The following PDS5A variants were observed in gnomAD, a reference collection of about 807,000 sequenced individuals.
PDS5A encodes the protein PDS5 cohesin associated factor A, also known as sister chromatid cohesion protein PDS5 homolog A.
Under a neutral mutation model 167.1 loss-of-function variants are expected in PDS5A, and 42 were observed. That is an observed-to-expected ratio of 0.25 (90% confidence interval 0.20 to 0.33). PDS5A has a LOEUF of 0.33. Among genes scored for constraint, PDS5A ranks in the 10% least tolerant of loss-of-function variants. PDS5A has a pLI of 1.00. For missense variants in PDS5A, 1,033 were observed against 1,605.9 expected (o/e 0.64, Z 6.10); for synonymous variants, 553 against 554.6 (o/e 1.00, Z 0.04).
intron 32 of PDS5A, among the ~76,000 whole-genome samples, chr4:39,825,706 G>A (rs958856931): frequency 1.3e-5 from 2 of 151,832 alleles, no homozygotes; most frequent in African/African-American, 4.8e-5. Flanking sequence ...TCCAGGCTCA[G>A]CGTCCAGCCT....
Position 39,873,101 on chromosome 4 carries a change from A to T in PDS5A, c.2321T>A (p.Ile774Lys), listed in dbSNP as rs904452984. ...GTGGCCCAATGAAACTAATGGAGTT[A>T]TAAGTTGTTCTGGCACATCAGCATT... ...SLNADVPEQLITPLVSLGHIS... is the reference protein window; with the variant it reads ...SLNADVPEQLKTPLVSLGHIS... The change falls in exon 21 of 33, where the codon ATA becomes AAA. Residue 774 changes from isoleucine (I) to lysine (K), a missense_variant. This residue lies in a region of PDS5A where 367 missense variants were observed against 686.7 expected (regional missense o/e 0.53). Coordinates refer to ENST00000303538, the MANE Select transcript of PDS5A (RefSeq NM_001100399.2). 3.9e-6 allele frequency: 6 copies of T among 1,531,210 alleles called. No homozygotes were observed. Among genetic ancestry groups the T allele is most frequent in the Non-Finnish European group, 4.4e-6 (5 of 1,124,092 alleles). 94.9% of individuals were successfully genotyped at this position (1,531,210 alleles called of 1,614,324 possible). A position where few individuals can be genotyped will look rare whatever the true frequency, so the allele number is the denominator to read the frequency against.
At position 39,913,601 on chromosome 4, in the gene PDS5A, G is replaced by A. The variant is rs1165163375; in HGVS notation, c.992+10C>T. On this transcript the variant is annotated intron_variant, in intron 9 of 32. Transcript: ENST00000303538. ...TAAAATATAAACATCAGAATTATAT[G>A]TTCTCTTACCGTCCAAGAAAACATT... 3 of 1,430,100 alleles carry A rather than the reference G, an allele frequency of 2.1e-6. No individual in the cohort carries two copies. Among genetic ancestry groups the A allele is most frequent in the Non-Finnish European group, 3.0e-6 (3 of 1,012,210 alleles). The allele number at this position is 1,430,100 out of a possible 1,614,324, so 88.6% of individuals were successfully genotyped here.
At chr4:39,954,058 A>C (rs1728665014) in intron 2 of PDS5A, among the ~76,000 whole-genome samples, 1 of 152,094 alleles carries the variant, frequency 6.6e-6, no homozygotes, top group Non-Finnish European at 1.5e-5. Flanking sequence ...CAATGGGATG[A>C]GGCAGGGCAT....
chr4:39,958,078 G>T (rs1295549261), intron 2 of PDS5A, among the ~76,000 whole-genome samples: 1 of 152,084 alleles, frequency 6.6e-6, no homozygotes, highest in East Asian at 1.9e-4. Flanking sequence ...TTTTAGTAGA[G>T]ACAGGGTTTC....
intron 4 of PDS5A, 151 bp downstream of exon 4, chr4:39,926,624 A>C: frequency 4.0e-6 from 2 of 503,592 alleles, no homozygotes; most frequent in Non-Finnish European, 6.2e-6. Context: ...AGGAAGAAAA[A>C]TAAAATAATA....
intron 2 of PDS5A, among the ~76,000 whole-genome samples, chr4:39,969,235 T>C (rs1212006080): frequency 6.6e-6 from 1 of 152,214 alleles, no homozygotes; most frequent in Non-Finnish European, 1.5e-5. Flanking sequence ...GTGACTAGCG[T>C]TGTTCACAAC....
chr4:39,936,022 T>C (rs577926737), intron 2 of PDS5A, among the ~76,000 whole-genome samples: 1 of 152,250 alleles, frequency 6.6e-6, no homozygotes, highest in South Asian at 2.1e-4. Flanking sequence ...AAAAGACTTC[T>C]AATTCGCGAT....
intron 5 of PDS5A, among the ~76,000 whole-genome samples, chr4:39,923,777 A>G (rs1725230739): frequency 6.6e-6 from 1 of 152,162 alleles, no homozygotes; most frequent in Middle Eastern, 3.2e-3. Context: ...ATAAAGGCAG[A>G]CATTTTTTTC....
At chr4:39,933,381 AG>A (rs1247891284) in intron 2 of PDS5A, 1 of 152,202 alleles carries the variant, frequency 6.6e-6, no homozygotes, top group African/African-American at 2.4e-5. Flanking sequence ...GGCTGCAGTG[AG>A]CTATGATCAT....
At chr4:39,903,189 T>C (rs1466785381) in intron 12 of PDS5A, among the ~76,000 whole-genome samples, 1 of 152,266 alleles carries the variant, frequency 6.6e-6, no homozygotes, top group African/African-American at 2.4e-5. Context: ...CCATTTTCCA[T>C]GTTGTCACAT....
At chr4:39,851,281 A>G (rs571908856) in intron 26 of PDS5A, among the ~76,000 whole-genome samples, 2 of 152,082 alleles carry the variant, frequency 1.3e-5, no homozygotes, top group African/African-American at 4.8e-5. Context: ...TCACCATTAT[A>G]TATAGAACCT....
intron 16 of PDS5A, among the ~76,000 whole-genome samples, chr4:39,895,658 A>G (rs75724035): frequency 0.13 from 19,162 of 152,144 alleles, 1,375 homozygotes; most frequent in African/African-American, 0.21. Context: ...TTCTTCAATG[A>G]TAAATTATCC....
At chr4:39,854,906 T>C (rs1197263293) in intron 26 of PDS5A, among the ~76,000 whole-genome samples, 1 of 152,212 alleles carries the variant, frequency 6.6e-6, no homozygotes, top group Non-Finnish European at 1.5e-5. Flanking sequence ...TTACGAATAA[T>C]TGTTTTCTTC....
chr4:39,825,238 T>C lies in PDS5A; in HGVS notation c.*247A>G. 1 of 391,076 alleles carries C rather than the reference T, an allele frequency of 2.6e-6. No individual in the cohort carries two copies. The highest frequency in any genetic ancestry group is 4.5e-6 in the Non-Finnish European group (1 of 219,786). The allele number at this position is 391,076 out of a possible 1,614,324, so 24.2% of individuals were successfully genotyped here. ...AATTATTGACTTTTCGTAAGAAAAGTCTAGGGGAAGGGGGAGAACAGAGTT... is the reference window on the plus strand; with the variant it reads ...AATTATTGACTTTTCGTAAGAAAAGCCTAGGGGAAGGGGGAGAACAGAGTT... On this transcript the variant is annotated 3_prime_UTR_variant, in exon 33 of 33. Transcript: ENST00000303538.
chr4:39,825,569 G>C (rs1715219546), intron 32 of PDS5A, 81 bp from the exon 33 acceptor site: 1 of 949,204 alleles, frequency 1.1e-6, no homozygotes, highest in South Asian at 1.8e-5. Flanking sequence ...CATTTCCATA[G>C]TTGTTATCTA....
At chr4:39,923,474 A>G (rs547481503) in intron 5 of PDS5A, among the ~76,000 whole-genome samples, 4 of 151,922 alleles carry the variant, frequency 2.6e-5, no homozygotes, top group African/African-American at 9.7e-5. Flanking sequence ...ACATGGCAAA[A>G]CCCTGTCTCT....
chr4:39,871,549 C>G (rs969923393), intron 21 of PDS5A, among the ~76,000 whole-genome samples: 1 of 152,022 alleles, frequency 6.6e-6, no homozygotes, highest in Non-Finnish European at 1.5e-5. Context: ...TCAAGATTAC[C>G]GAAACATGTG....
At chr4:39,916,522 T>C (rs1168952544) in intron 8 of PDS5A, among the ~76,000 whole-genome samples, 2 of 152,330 alleles carry the variant, frequency 1.3e-5, no homozygotes, top group East Asian at 3.9e-4. Flanking sequence ...ATTTTTCCTA[T>C]CTATTGCTTG....
chr4:39,964,356 G>A (rs1308177997), intron 2 of PDS5A, among the ~76,000 whole-genome samples: 1 of 152,142 alleles, frequency 6.6e-6, no homozygotes, highest in East Asian at 1.9e-4. Context: ...TGTAAATAAG[G>A]GGGATGTATT....
Sources: gnomAD v4.1 joint callset for allele counts (sites outside exome capture counted in the v4.1 genomes callset) on GRCh38, gnomAD v4.1.1 for gene constraint, gnomAD v4.1.1 regional missense constraint, MANE v1.5 for transcripts, NCBI Gene and HGNC (gene_info 2026-07-23, HGNC 2026-07-21) for gene names.